Variants in MAGI1 observed in about 807,000 individuals in gnomAD.
The protein encoded by MAGI1 is membrane associated guanylate kinase, WW and PDZ domain containing 1, also known as membrane-associated guanylate kinase, WW and PDZ domain-containing protein 1.
MAGI1 carries 58 observed loss-of-function variants against 139.9 expected under a neutral mutation model. The observed-to-expected ratio is 0.41, with a 90% CI of 0.34 to 0.52. The LOEUF (loss-of-function observed/expected upper bound fraction) is 0.52. MAGI1 is among the 20% of genes least tolerant of loss of function. MAGI1 has a pLI of 0.12. For synonymous variants in MAGI1, 812 were observed against 737.9 expected, an observed-to-expected ratio of 1.10 and a Z score of -1.63; for missense variants, 1,874 against 1,901.6, an observed-to-expected ratio of 0.99 and a Z score of 0.27.
chr3:65,525,600 C>G (rs1183088413), intron 2 of MAGI1, among the ~76,000 whole-genome samples: 1 of 152,136 alleles, frequency 6.6e-6, no homozygotes, highest in Non-Finnish European at 1.5e-5. Context: ...AACGAATGCT[C>G]TGGTCTGGAA....
chr3:65,394,226 A>G (rs1469248047), intron 13 of MAGI1, among the ~76,000 whole-genome samples: 1 of 152,124 alleles, frequency 6.6e-6, no homozygotes, highest in Non-Finnish European at 1.5e-5. Flanking sequence ...TGCTTGGGCC[A>G]TTTTTCAAAT....
chr3:65,465,069 G>A (rs1192619306), intron 5 of MAGI1, among the ~76,000 whole-genome samples: 1 of 149,690 alleles, frequency 6.7e-6, no homozygotes. Flanking sequence ...TTTGACTGAA[G>A]TAGATAAACC....
chr3:65,595,838 G>C (rs1488460273), intron 2 of MAGI1, among the ~76,000 whole-genome samples: 1 of 151,688 alleles, frequency 6.6e-6, no homozygotes, highest in East Asian at 1.9e-4. Context: ...GGTGGGGGTG[G>C]GGAGTTAGGA....
rs71102867 is a variant in MAGI1, at chr3:65,516,718, C to CTTT, written c.431-23090_431-23088dup. Among the ~76,000 whole-genome samples, 565 of 66,972 alleles carry CTTT rather than the reference C, an allele frequency of 8.4e-3. 78 individuals carry two copies. The highest frequency in any genetic ancestry group is 0.011 in the African/African-American group (194 of 17,558). The allele number at this position is 66,972 out of a possible 152,430, so 43.9% of individuals were successfully genotyped here. On this transcript the variant is annotated intron_variant, in intron 2 of 22. Transcript: ENST00000402939. ...GGAAGAAACATAGTACATCCCACCT[C>CTTT]TTTTTTTTTTTTTTTTTTTTTTTTT... is the stretch of plus-strand genomic sequence containing the variant.
chr3:65,473,269 A>C (rs1323750714), intron 4 of MAGI1, among the ~76,000 whole-genome samples: 1 of 152,148 alleles, frequency 6.6e-6, no homozygotes, highest in Non-Finnish European at 1.5e-5. Flanking sequence ...CAAACCACAG[A>C]TTATAGTCTT....
At chr3:65,899,534 A>T (rs2061128597) in intron 1 of MAGI1, among the ~76,000 whole-genome samples, 1 of 152,256 alleles carries the variant, frequency 6.6e-6, no homozygotes. Flanking sequence ...CCACCATGGC[A>T]AAACACTACC....
At chr3:65,456,845 G>C (rs1949424616) in intron 5 of MAGI1, among the ~76,000 whole-genome samples, 1 of 152,108 alleles carries the variant, frequency 6.6e-6, no homozygotes, top group African/African-American at 2.4e-5. Context: ...CACACTTATG[G>C]ATCTATCTCT....
At chr3:65,978,180 C>T (rs578230118) in intron 1 of MAGI1, among the ~76,000 whole-genome samples, 2 of 152,320 alleles carry the variant, frequency 1.3e-5, no homozygotes, top group East Asian at 3.9e-4. Flanking sequence ...CAGTTCTAAG[C>T]ACTTCAGTTT....
At chr3:65,392,736 C>G (rs1944034042) in intron 13 of MAGI1, among the ~76,000 whole-genome samples, 1 of 152,160 alleles carries the variant, frequency 6.6e-6, no homozygotes, top group African/African-American at 2.4e-5. Flanking sequence ...TGCTTTGAAA[C>G]AAGTATCTGA....
rs1171942054 is a variant in MAGI1, at chr3:66,038,902, A to T, written c.-594T>A. ...GCCGCGGAGCGCAGCGGCCGGCGAC[A>T]GGAGACGCGCGCGCATGCGCCCCGC... On this transcript the variant is annotated 5_prime_UTR_variant, in exon 1 of 23. Transcript: ENST00000402939. The T allele has an allele frequency of 3.3e-5, 5 of 152,036 alleles. No individual in the cohort carries two copies. Among genetic ancestry groups the T allele is most frequent in the African/African-American group, 9.7e-5 (4 of 41,432 alleles). The allele number at this position is 152,036 out of a possible 1,614,324, so 9.4% of individuals were successfully genotyped here. A position where few individuals can be genotyped will look rare whatever the true frequency, so the allele number is the denominator to read the frequency against.
intron 1 of MAGI1, among the ~76,000 whole-genome samples, chr3:65,959,605 T>G (rs989662003): frequency 1.2e-5 from 1 of 85,308 alleles, no homozygotes; most frequent in Non-Finnish European, 2.7e-5. Context: ...AGCATTTTTA[T>G]TATTATTATT....
chr3:65,529,243 A>T (rs1270268014), intron 2 of MAGI1, among the ~76,000 whole-genome samples: 1 of 152,290 alleles, frequency 6.6e-6, no homozygotes, highest in East Asian at 1.9e-4. Flanking sequence ...TCATTTGAGC[A>T]ATTTTAAATT....
intron 2 of MAGI1, among the ~76,000 whole-genome samples, chr3:65,540,174 G>A (rs72893050): frequency 0.02 from 3,085 of 152,234 alleles, 109 homozygotes; most frequent in African/African-American, 0.07. Flanking sequence ...GTTATGTTCA[G>A]TAACTTCTAA....
rs149629976 is a variant in MAGI1 at position 65,613,772 on chromosome 3, T to C, written c.430+8200A>G. Among the ~76,000 whole-genome samples the C allele has an allele frequency of 4.2e-3, 634 of 152,310 alleles. 8 individuals are homozygous for C. Among genetic ancestry groups the C allele is most frequent in the African/African-American group, 0.014 (598 of 41,564 alleles). ...TATTAATCTTCACTATATTCTTGCC[T>C]GGCATCTAGTGTTGGGTTGTTACTC... On this transcript the variant is annotated intron_variant, in intron 2 of 22. Transcript: ENST00000402939.
chr3:65,412,981 T>C (rs1260158030), intron 12 of MAGI1, among the ~76,000 whole-genome samples: 1 of 152,158 alleles, frequency 6.6e-6, no homozygotes, highest in Non-Finnish European at 1.5e-5. Context: ...CAGGTAAGGA[T>C]AGCTTCATAT....
At chr3:65,879,662 T>A (rs1159383797) in intron 1 of MAGI1, among the ~76,000 whole-genome samples, 1 of 152,186 alleles carries the variant, frequency 6.6e-6, no homozygotes, top group Non-Finnish European at 1.5e-5. Context: ...CAACTCAATT[T>A]AGAGTTATAA....
intron 1 of MAGI1, among the ~76,000 whole-genome samples, chr3:65,753,486 C>A (rs573090170): frequency 4.6e-5 from 7 of 152,004 alleles, no homozygotes; most frequent in Non-Finnish European, 7.4e-5. Context: ...TTTGGGAGGC[C>A]GAGGCGGGAG....
At chr3:65,563,919 G>A (rs767940749) in intron 2 of MAGI1, among the ~76,000 whole-genome samples, 2 of 152,132 alleles carry the variant, frequency 1.3e-5, no homozygotes, top group Non-Finnish European at 2.9e-5. Context: ...AGCCTTCACA[G>A]TCCTTCTCAT....
At chr3:65,451,471 A>G (rs1285473396) in intron 6 of MAGI1, among the ~76,000 whole-genome samples, 1 of 152,228 alleles carries the variant, frequency 6.6e-6, no homozygotes, top group Non-Finnish European at 1.5e-5. Context: ...CAAAATGGTT[A>G]GAATCAAAAG....
Sources: gnomAD v4.1 joint callset for allele counts (sites outside exome capture counted in the v4.1 genomes callset) on GRCh38, gnomAD v4.1.1 for gene constraint, MANE v1.5 for transcripts, NCBI Gene and HGNC (gene_info 2026-07-23, HGNC 2026-07-21) for gene names.